Variants in FREM2 observed in about 807,000 individuals in gnomAD.
FREM2 encodes FRAS1 related extracellular matrix 2, also known as FRAS1-related extracellular matrix protein 2.
A neutral mutation model predicts 219.9 loss-of-function variants in FREM2; 119 were observed. The observed-to-expected ratio is 0.54, with a 90% CI of 0.47 to 0.63. The LOEUF is 0.63. Ranked by LOEUF, FREM2 falls within the 30% of genes least tolerant of loss-of-function variation. The probability of loss-of-function intolerance (pLI) is 0.00; values close to 1 mark genes in which losing one functional copy is unlikely to be tolerated. For missense variants in FREM2, 4,030 were observed against 3,993.6 expected, an observed-to-expected ratio of 1.01 and a Z score of -0.25; for synonymous variants, 1,562 against 1,522.8, an observed-to-expected ratio of 1.03 and a Z score of -0.60.
intron 2 of FREM2, among the ~76,000 whole-genome samples, chr13:38,757,762 T>G (rs1873071566): frequency 6.6e-6 from 1 of 152,138 alleles, no homozygotes. Context: ...AGCTAACTTT[T>G]GTATTTTTAG....
chr13:38,754,296 A>G (rs2137797712), intron 2 of FREM2, among the ~76,000 whole-genome samples: 1 of 152,276 alleles, frequency 6.6e-6, no homozygotes, highest in Admixed American at 6.5e-5. Context: ...TGAGGGCCTC[A>G]CTATTCACTA....
At chr13:38,753,173 AT>A (rs1004412313) in intron 2 of FREM2, among the ~76,000 whole-genome samples, 12 of 152,098 alleles carry the variant, frequency 7.9e-5, no homozygotes, top group East Asian at 1.9e-4. Context: ...TAGTATTTAA[AT>A]TTTTTTTAAC....
Position 38,764,407 on chromosome 13 carries a change from T to C in FREM2, c.5367T>C (p.Val1789=). ...ATGAGGACTCCAAATTTCTAGATGT[T>C]GTTCTTAAACGTAGAGGTTACTTGG... is the stretch of plus-strand genomic sequence containing the variant. ...LVNEDSKFLD[V]VLKRRGYLGE... The change falls in exon 3 of 24, where the codon GTT becomes GTC. Residue 1789 remains valine, a synonymous_variant. Transcript: ENST00000280481. The C allele has an allele frequency of 6.3e-7, 1 of 1,598,060 alleles. No individual in the cohort carries two copies. The highest frequency in any genetic ancestry group is 8.6e-7 in the Non-Finnish European group (1 of 1,166,264).
In FREM2 at chr13:38,691,726, C is replaced by G; in HGVS notation, c.4382C>G (p.Thr1461Ser). The part of the protein sequence containing the change: ...SPDENLVFTI[T>S]RAPMRGHLEC... ...GATGAAAACTTGGTTTTTACCATCACCAGGGCTCCCATGCGAGGTCACCTG... is the reference window on the plus strand; with the variant it reads ...GATGAAAACTTGGTTTTTACCATCAGCAGGGCTCCCATGCGAGGTCACCTG... The change falls in exon 1 of 24, where the codon ACC becomes AGC. Residue 1461 changes from threonine to serine, a missense_variant. Around this residue, in one of 2 missense-constraint regions of FREM2, gnomAD observed 3,102 missense variants for 2,950.7 expected, o/e 1.05. Transcript: ENST00000280481. 1 of 1,613,688 alleles carries G rather than the reference C, an allele frequency of 6.2e-7. No homozygotes were observed. Among genetic ancestry groups the G allele is most frequent in the Non-Finnish European group, 8.5e-7 (1 of 1,179,612 alleles).
chr13:38,835,304 T>A (rs1055725181), intron 6 of FREM2, among the ~76,000 whole-genome samples: 8 of 152,220 alleles, frequency 5.3e-5, no homozygotes, highest in Non-Finnish European at 1.0e-4. Flanking sequence ...TCCACTGGTC[T>A]ATATATCTGT....
chr13:38,827,471 G>A (rs1381507133), intron 6 of FREM2: 1 of 152,108 alleles, frequency 6.6e-6, no homozygotes, highest in Non-Finnish European at 1.5e-5. Flanking sequence ...GCAGTTGTCA[G>A]TCTTAGCTTA....
At chr13:38,880,229 G>A in intron 23 of FREM2, 55 bp from the exon 24 acceptor site, 1 of 1,546,936 alleles carries the variant, frequency 6.5e-7, no homozygotes, top group Non-Finnish European at 8.9e-7. Context: ...AAGAGTCGTG[G>A]ATTAGATTGA....
intron 2 of FREM2, among the ~76,000 whole-genome samples, chr13:38,724,910 G>C (rs977037398): frequency 1.3e-5 from 2 of 152,184 alleles, no homozygotes; most frequent in African/African-American, 4.8e-5. Flanking sequence ...CAGGAACCAG[G>C]AAGTTGTATG....
chr13:38,813,924 G>T (rs1188179671), intron 6 of FREM2, among the ~76,000 whole-genome samples: 2 of 151,560 alleles, frequency 1.3e-5, no homozygotes, highest in African/African-American at 4.8e-5. Context: ...TTTTCAAGTT[G>T]CCTATCTTTA....
chr13:38,704,834 A>G (rs1418655752), intron 2 of FREM2, among the ~76,000 whole-genome samples: 2 of 152,168 alleles, frequency 1.3e-5, no homozygotes, highest in Non-Finnish European at 2.9e-5. Flanking sequence ...AGAAGCAAGT[A>G]CCTTCTTCAA....
chr13:38,747,395 A>ATGTGTGTGTGTGTG lies in FREM2; in HGVS notation c.5264-16889_5264-16876dup, dbSNP rs71917471. Among the ~76,000 whole-genome samples the ATGTGTGTGTGTGTG allele has an allele frequency of 9.4e-4, 134 of 142,994 alleles. 1 individual carries two copies. Among genetic ancestry groups the ATGTGTGTGTGTGTG allele is most frequent in the African/African-American group, 3.4e-3 (130 of 38,012 alleles). The allele number at this position is 142,994 out of a possible 152,430, so 93.8% of individuals were successfully genotyped here. The stretch of plus-strand genomic sequence containing the variant: ...CTTGAGGGCATAAAGCTGATATAAT[A>ATGTGTGTGTGTGTG]TGTGTGTGTGTGTGTGTGTGTGTGT... On this transcript the variant is annotated intron_variant, in intron 2 of 23. Coordinates refer to ENST00000280481, the MANE Select transcript of FREM2 (RefSeq NM_207361.6).
chr13:38,756,109 G>A (rs1424315271), intron 2 of FREM2, among the ~76,000 whole-genome samples: 1 of 152,154 alleles, frequency 6.6e-6, no homozygotes, highest in Non-Finnish European at 1.5e-5. Context: ...AAAATGTGTG[G>A]GGTAAACATT....
chr13:38,836,757 G>T lies in FREM2; in HGVS notation c.6020-9816G>T, dbSNP rs150261881. 8.0e-3 allele frequency among the ~76,000 whole-genome samples: 1,219 copies of T among 152,186 alleles called. 11 individuals are homozygous for T. Among genetic ancestry groups the T allele is most frequent in the African/African-American group, 0.028 (1,168 of 41,522 alleles). ...AGAGGTGTTTATAGTATTTTCTGAT[G>T]GTAGTTTGTATTTCTGTGGGATCAG... On this transcript the variant is annotated intron_variant, in intron 6 of 23. Transcript: ENST00000280481.
chr13:38,701,724 T>G (rs549981005), intron 2 of FREM2, among the ~76,000 whole-genome samples: 1 of 152,212 alleles, frequency 6.6e-6, no homozygotes, highest in African/African-American at 2.4e-5. Context: ...TGTTAATCAC[T>G]CTTCAACACC....
At chr13:38,757,143 TG>T (rs1287200485) in intron 2 of FREM2, among the ~76,000 whole-genome samples, 6 of 152,180 alleles carry the variant, frequency 3.9e-5, no homozygotes, top group African/African-American at 1.2e-4. Flanking sequence ...GCATAGTAGA[TG>T]AATAGGAATT....
In FREM2 at chr13:38,857,995, G is replaced by A. The variant is rs769767420; in HGVS notation, c.7177G>A (p.Ala2393Thr). The A allele has an allele frequency of 3.3e-5, 53 of 1,613,868 alleles. 1 individual carries two copies. In the South Asian group the frequency reaches 5.4e-4, roughly 16 times the overall value. ...YDDTSKAKES[A>T]EPMSGYPVIC... ...CGACACTTCCAAAGCTAAGGAGAGT[G>A]CTGAACCCATGTCTGGCTATCCTGT... Residue 2393 changes from alanine to threonine, a missense_variant, in exon 13 of 24, where the codon GCT (alanine) becomes ACT (threonine). Transcript: ENST00000280481.
At chr13:38,842,053 C>T (rs572157373) in intron 6 of FREM2, among the ~76,000 whole-genome samples, 3 of 152,092 alleles carry the variant, frequency 2.0e-5, no homozygotes, top group Admixed American at 6.6e-5. Flanking sequence ...AGAAGGTATC[C>T]GGACGAGGAA....
chr13:38,779,109 C>T (rs183558269), intron 4 of FREM2, among the ~76,000 whole-genome samples: 1 of 152,108 alleles, frequency 6.6e-6, no homozygotes, highest in African/African-American at 2.4e-5. Flanking sequence ...CCGGCATTCT[C>T]AGCAAACTAA....
At chr13:38,730,258 GAGA>G (rs567281070) in intron 2 of FREM2, among the ~76,000 whole-genome samples, 7 of 152,316 alleles carry the variant, frequency 4.6e-5, no homozygotes, top group East Asian at 3.9e-4. Flanking sequence ...TTTAAAAAAG[GAGA>G]AGGAGAGTGT....
Sources: allele counts gnomAD v4.1 joint callset (sites outside exome capture counted in the v4.1 genomes callset), GRCh38; gene constraint gnomAD v4.1.1; regional missense constraint gnomAD v4.1.1; transcripts MANE v1.5; gene names NCBI Gene and HGNC (gene_info 2026-07-23, HGNC 2026-07-21).